ATP7B: variants seen among roughly 807,000 people sequenced by gnomAD.
ATP7B encodes the protein ATPase copper transporting beta, also known as copper-transporting ATPase 2.
In ATP7B, 113 loss-of-function variants were observed where a neutral mutation model predicts 118.9. The ratio of observed to expected loss-of-function variants is 0.95; its 90% CI spans 0.82 to 1.11. The LOEUF is 1.11. Among genes scored for constraint, ATP7B ranks in the 50% most tolerant of loss-of-function variants. The probability of loss-of-function intolerance (pLI) is 0.00; values close to 1 mark genes in which losing one functional copy is unlikely to be tolerated. For missense variants in ATP7B, 1,867 were observed against 1,871.4 expected (o/e 1.00, Z 0.04); for synonymous variants, 777 against 727.4 (o/e 1.07, Z -1.10).
chr13:51,978,104 C>A (rs1952217160), intron 1 of ATP7B, among the ~76,000 whole-genome samples: 1 of 151,966 alleles, frequency 6.6e-6, no homozygotes, highest in East Asian at 1.9e-4. Context: ...ACCAACAAAC[C>A]AGAACAAAAC....
intron 1 of ATP7B, among the ~76,000 whole-genome samples, chr13:52,000,740 T>C (rs1953454199): frequency 6.6e-6 from 1 of 152,134 alleles, no homozygotes; most frequent in South Asian, 2.1e-4. Context: ...AATAATCTCA[T>C]CCAGGTGCAG....
At chr13:51,978,675 C>A (rs1952246217) in intron 1 of ATP7B, 1 of 152,188 alleles carries the variant, frequency 6.6e-6, no homozygotes, top group Admixed American at 6.5e-5. Flanking sequence ...AATGATGTGA[C>A]TCTGTATGTA....
In ATP7B at chr13:51,934,525, C is replaced by T. The variant is rs761936613; in HGVS notation, c.*231G>A. The T allele has an allele frequency of 9.6e-6, 6 of 627,750 alleles. No homozygotes were observed. The highest frequency in any genetic ancestry group is 1.7e-5 in the Non-Finnish European group (6 of 361,314). 38.9% of individuals were successfully genotyped at this position (627,750 alleles called of 1,614,324 possible). ...CAAGGACTAGAGTCCAAGACAAAGC[C>T]CATGCTGACGGTCCCGTGAGGCCAA... On this transcript the variant is annotated 3_prime_UTR_variant, in exon 21 of 21. Transcript: ENST00000242839.
At chr13:51,983,018 G>T (rs959736230) in intron 1 of ATP7B, among the ~76,000 whole-genome samples, 2 of 151,794 alleles carry the variant, frequency 1.3e-5, no homozygotes, top group East Asian at 1.9e-4. Context: ...AGCTGCAGGA[G>T]TTTTTTTTTC....
chr13:51,957,702 G>T, intron 8 of ATP7B, 95 bp from the exon 9 acceptor site: 1 of 1,255,346 alleles, frequency 8.0e-7, no homozygotes, highest in Non-Finnish European at 1.2e-6. Flanking sequence ...GAGACAGCTG[G>T]TGCGAGAGAA....
chr13:51,984,783 T>A (rs192752476), intron 1 of ATP7B, among the ~76,000 whole-genome samples: 1 of 152,288 alleles, frequency 6.6e-6, no homozygotes, highest in African/African-American at 2.4e-5. Flanking sequence ...AAGAAAATAA[T>A]TTTCAACCCA....
At chr13:52,009,133 T>C (rs747943418) in intron 1 of ATP7B, among the ~76,000 whole-genome samples, 2 of 152,202 alleles carry the variant, frequency 1.3e-5, no homozygotes, top group Admixed American at 6.5e-5. Flanking sequence ...TTCTTCATAG[T>C]ACTTACTAGT....
Position 51,933,661 on chromosome 13 carries a change from G to A in ATP7B, c.*1095C>T, listed in dbSNP as rs886050300. ...AGCGTGCAGAATGCAGGCTCAGGGA[G>A]GCTGTGTTTTCCTCCTATTTGGGCA... is the stretch of plus-strand genomic sequence containing the variant. On this transcript the variant is annotated 3_prime_UTR_variant, in exon 21 of 21. Transcript: ENST00000242839. 6.6e-6 allele frequency: 1 copy of A among 152,198 alleles called. No homozygotes were observed. The highest frequency in any genetic ancestry group is 1.5e-5 in the Non-Finnish European group (1 of 68,080). The allele number at this position is 152,198 out of a possible 1,614,324, so 9.4% of individuals were successfully genotyped here.
At chr13:51,937,194 CCACT>C (rs1957019548) in intron 19 of ATP7B, 78 bp downstream of exon 19, 1 of 1,367,348 alleles carries the variant, frequency 7.3e-7, no homozygotes, top group Admixed American at 1.7e-5. Context: ...AGTGAGTGAG[CCACT>C]CACTAACCCC....
Position 51,960,175 on chromosome 13 carries a change from G to A in ATP7B, c.2094C>T (p.Ile698=), listed in dbSNP as rs1343388871. The A allele has an allele frequency of 1.9e-6, 3 of 1,614,000 alleles. No homozygotes were observed. The highest frequency in any genetic ancestry group is 2.5e-6 in the Non-Finnish European group (3 of 1,179,848). The change falls in exon 7 of 21, where the codon ATC becomes ATT. Residue 698 remains isoleucine, a synonymous_variant. Transcript: ENST00000242839. ...IIPGLSILNL[I]FFILCTFVQL... ...GGACAAAGGTACACAAGATAAAGAA[G>A]ATGAGATTTAGAATGGACAGTCCTG... is the stretch of plus-strand genomic sequence containing the variant.
In ATP7B at chr13:51,977,658, T is replaced by C. The variant is rs117036130; in HGVS notation, c.52-2490A>G. Among the ~76,000 whole-genome samples, 498 of 152,360 alleles carry C rather than the reference T, an allele frequency of 3.3e-3. 15 individuals are homozygous for C. In the East Asian group the frequency reaches 0.077, roughly 24 times the overall value. The stretch of plus-strand genomic sequence containing the variant: ...ATAGTAAATACATAAACCAGTAACA[T>C]AGTCATTTATTATCGAGTATTATGT... On this transcript the variant is annotated intron_variant, in intron 1 of 20. Coordinates refer to ENST00000242839, the MANE Select transcript of ATP7B (RefSeq NM_000053.4).
At chr13:51,983,587 T>G (rs1257436970) in intron 1 of ATP7B, among the ~76,000 whole-genome samples, 1 of 152,104 alleles carries the variant, frequency 6.6e-6, no homozygotes, top group Admixed American at 6.5e-5. Flanking sequence ...CCTCCTCAAG[T>G]GGGTCCGTGA....
At chr13:51,995,177 G>T in intron 1 of ATP7B, 1 of 501,536 alleles carries the variant, frequency 2.0e-6, no homozygotes, top group Non-Finnish European at 2.6e-6. Context: ...CTCCTGCCAG[G>T]TGCTACATTC....
At position 51,958,352 on chromosome 13, in the gene ATP7B, C is replaced by T. The variant is rs554893410; in HGVS notation, c.2314G>A (p.Val772Met). The T allele has an allele frequency of 1.9e-6, 3 of 1,614,182 alleles. No homozygotes were observed. The highest frequency in any genetic ancestry group is 2.2e-5 in the East Asian group (1 of 44,886). ...AGCCACCGGCCCAGGGCAATGAACACAAAGAGCATGGGGGGCGTGTCGAAG... is the reference window on the plus strand; with the variant it reads ...AGCCACCGGCCCAGGGCAATGAACATAAAGAGCATGGGGGGCGTGTCGAAG... ...TFFDTPPMLFVFIALGRWLEH... is the reference protein window; with the variant it reads ...TFFDTPPMLFMFIALGRWLEH... The change falls in exon 8 of 21, where the codon GTG (valine) becomes ATG (methionine). Residue 772 changes from valine (V) to methionine (M), a missense_variant. Coordinates refer to ENST00000242839, the MANE Select transcript of ATP7B (RefSeq NM_000053.4).
Position 51,960,360 on chromosome 13 carries a change from C to G in ATP7B, c.1947-38G>C, listed in dbSNP as rs556035457. On this transcript the variant is annotated intron_variant, in intron 6 of 20. Coordinates refer to ENST00000242839, the MANE Select transcript of ATP7B (RefSeq NM_000053.4). ...TGCAGCAACACAGATATATCAGATG[C>G]TGCTTGTCACCTGGATTACAAGCCA... 45 of 1,600,908 alleles carry G rather than the reference C, an allele frequency of 2.8e-5. No individual in the cohort carries two copies. In the South Asian group the frequency reaches 3.9e-4, roughly 14 times the overall value.
intron 7 of ATP7B, chr13:51,959,848 T>A (rs1958613955): frequency 2.3e-6 from 1 of 442,992 alleles, no homozygotes; most frequent in Non-Finnish European, 4.2e-6. Context: ...AGACACAGAG[T>A]TCACCACACC....
In ATP7B at chr13:51,973,942, G is replaced by A. The variant is rs143556945; in HGVS notation, c.1278C>T (p.Val426=). 2.2e-3 allele frequency: 3,530 copies of A among 1,614,134 alleles called. 6 individuals carry two copies. Among genetic ancestry groups the A allele is most frequent in the Non-Finnish European group, 2.7e-3 (3,223 of 1,180,030 alleles). ...AIEDMGFEAS[V]VSESCSTNPL... is the part of the protein sequence containing the mutation. ...CTCAAACACACTACGTACCAGAAACGACTGAAGCCTCAAATCCCATGTCTT... is the reference window on the plus strand; with the variant it reads ...CTCAAACACACTACGTACCAGAAACAACTGAAGCCTCAAATCCCATGTCTT... The change falls in exon 2 of 21, where the codon GTC becomes GTT. Residue 426 remains valine, a synonymous_variant. Coordinates refer to ENST00000242839, the MANE Select transcript of ATP7B (RefSeq NM_000053.4).
At chr13:51,964,108 AAC>A (rs17334263) in intron 5 of ATP7B, among the ~76,000 whole-genome samples, 3,272 of 145,138 alleles carry the variant, frequency 0.023, 82 homozygotes, top group African/African-American at 0.059. Flanking sequence ...TCTCTCTTTA[AAC>A]ACACACACAC....
chr13:51,953,077 T>C (rs1958108033), intron 9 of ATP7B, among the ~76,000 whole-genome samples: 1 of 152,214 alleles, frequency 6.6e-6, no homozygotes, highest in South Asian at 2.1e-4. Context: ...GACTGAAGTC[T>C]TTAGTGCTGG....
Sources: gnomAD v4.1 joint callset for allele counts (sites outside exome capture counted in the v4.1 genomes callset) on GRCh38, gnomAD v4.1.1 for gene constraint, MANE v1.5 for transcripts, NCBI Gene and HGNC (gene_info 2026-07-23, HGNC 2026-07-21) for gene names.